Variants in SLC35F5 observed in about 807,000 individuals in gnomAD.
SLC35F5 encodes HCV NS5A-transactivated protein 3.
A neutral mutation model predicts 68.6 loss-of-function variants in SLC35F5; 54 were observed. The observed-to-expected ratio is 0.79, with a 90% confidence interval of 0.63 to 0.99. SLC35F5 has a LOEUF of 0.99. SLC35F5 is among the 50% of genes least tolerant of loss of function. The probability of loss-of-function intolerance (pLI) is 0.00; values close to 1 mark genes in which losing one functional copy is unlikely to be tolerated. For synonymous variants in SLC35F5, 211 were observed against 205.2 expected (o/e 1.03, Z -0.24); for missense variants, 567 against 626.9 (o/e 0.90, Z 1.02).
chr2:113,736,897 C>G (rs189851842), intron 7 of SLC35F5, among the ~76,000 whole-genome samples: 30 of 152,236 alleles, frequency 2.0e-4, no homozygotes, highest in Non-Finnish European at 1.5e-4. Context: ...GTCCAAAGTT[C>G]AGTAATTTTC....
chr2:113,725,696 A>G, intron 11 of SLC35F5, 159 bp from the exon 12 acceptor site: 1 of 569,332 alleles, frequency 1.8e-6, no homozygotes, highest in Non-Finnish European at 3.0e-6. Flanking sequence ...TCCTGTGAAT[A>G]GCTCAACGCC....
chr2:113,707,406 G>C lies in SLC35F5; in HGVS notation c.*7812C>G, dbSNP rs1008055901. ...GATAACTTCAGCTTTATTTGCCAAA[G>C]GGGATTTAGAATATACTACAAAATT... On this transcript the variant is annotated 3_prime_UTR_variant, in exon 16 of 16. Transcript: ENST00000245680. 2.0e-5 allele frequency among the ~76,000 whole-genome samples: 3 copies of C among 152,010 alleles called. No homozygotes were observed. Among genetic ancestry groups the C allele is most frequent in the African/African-American group, 7.3e-5 (3 of 41,372 alleles).
At chr2:113,736,434 C>A (rs1444402023) in intron 7 of SLC35F5, among the ~76,000 whole-genome samples, 2 of 148,868 alleles carry the variant, frequency 1.3e-5, no homozygotes, top group Admixed American at 1.3e-4. Context: ...GACAGAGAGA[C>A]CATTTCTCAA....
At chr2:113,703,857 C>CT (rs1167075257), downstream of SLC35F5, 5 of 152,236 alleles carry the variant, frequency 3.3e-5, no homozygotes, top group Admixed American at 2.0e-4. Flanking sequence ...AGGTGGGACT[C>CT]TAACATCCTA....
intron 8 of SLC35F5, 151 bp from the exon 9 acceptor site, chr2:113,734,824 T>C: frequency 1.7e-6 from 1 of 600,670 alleles, no homozygotes; most frequent in Middle Eastern, 4.6e-4. Flanking sequence ...TGCAGTTAAG[T>C]AATGACTAGA....
chr2:113,748,617 T>C (rs891045478), intron 4 of SLC35F5, among the ~76,000 whole-genome samples: 7 of 152,226 alleles, frequency 4.6e-5, no homozygotes, highest in African/African-American at 1.2e-4. Flanking sequence ...ACAATATACC[T>C]ATACTAATAC....
chr2:113,754,678 C>T (rs950373500), intron 3 of SLC35F5, among the ~76,000 whole-genome samples: 3 of 152,206 alleles, frequency 2.0e-5, no homozygotes, highest in Admixed American at 1.3e-4. Context: ...GTATACCATG[C>T]ATCTTATAAT....
rs71297192 is a variant in SLC35F5 at position 113,721,971 on chromosome 2, CTTTTT to C, written c.1341+1128_1341+1132del. Among the ~76,000 whole-genome samples the C allele has an allele frequency of 1.8e-3, 198 of 107,654 alleles. 1 individual carries two copies. The highest frequency in any genetic ancestry group is 6.8e-3 in the African/African-American group (191 of 28,274). 70.6% of individuals were successfully genotyped at this position (107,654 alleles called of 152,430 possible). ...AGCACTAAGCATATTTTGCTTTTAT[CTTTTT>C]TTTTTTTTTTTTTTTTGAGATGGAG... On this transcript the variant is annotated intron_variant, in intron 13 of 15. Coordinates refer to ENST00000245680, the MANE Select transcript of SLC35F5 (RefSeq NM_025181.5).
chr2:113,742,328 A>C (rs1173866395), intron 7 of SLC35F5: 1 of 265,228 alleles, frequency 3.8e-6, no homozygotes, highest in East Asian at 6.7e-5. Flanking sequence ...GTAAACTCTT[A>C]TCTGGATATT....
intron 11 of SLC35F5, among the ~76,000 whole-genome samples, chr2:113,727,951 A>C (rs1203674114): frequency 1.3e-5 from 2 of 152,216 alleles, no homozygotes; most frequent in Non-Finnish European, 2.9e-5. Flanking sequence ...TTCCATTCCA[A>C]ATAAAATTTT....
intron 14 of SLC35F5, among the ~76,000 whole-genome samples, chr2:113,718,865 A>AAAAAG (rs1427315171): frequency 1.5e-4 from 19 of 123,516 alleles, no homozygotes; most frequent in African/African-American, 5.8e-4. Flanking sequence ...GAGAGAAAGA[A>AAAAAG]AAAGAAAGAA....
At chr2:113,723,049 G>C in intron 13 of SLC35F5, 55 bp downstream of exon 13, 1 of 1,211,866 alleles carries the variant, frequency 8.3e-7, no homozygotes, top group Non-Finnish European at 1.1e-6. Flanking sequence ...ACTTTCATTA[G>C]GTTTGTTTTA....
intron 9 of SLC35F5, 148 bp from the exon 10 acceptor site, chr2:113,731,796 C>T (rs1687906396): frequency 1.6e-6 from 1 of 614,588 alleles, no homozygotes; most frequent in Non-Finnish European, 2.9e-6. Flanking sequence ...TAACATCTAA[C>T]AACATCAATA....
intron 7 of SLC35F5, among the ~76,000 whole-genome samples, chr2:113,739,266 A>G (rs1175070527): frequency 6.6e-6 from 1 of 152,174 alleles, no homozygotes; most frequent in Non-Finnish European, 1.5e-5. Context: ...TATACGTTAA[A>G]TCATCTCTAG....
chr2:113,741,156 T>C (rs1048430141), intron 7 of SLC35F5, among the ~76,000 whole-genome samples: 3 of 152,174 alleles, frequency 2.0e-5, no homozygotes, highest in Admixed American at 6.6e-5. Context: ...GAGGACATTA[T>C]GCTAAGTGAA....
intron 3 of SLC35F5, among the ~76,000 whole-genome samples, chr2:113,751,940 A>C (rs1676761148): frequency 1.3e-5 from 2 of 152,028 alleles, no homozygotes; most frequent in Non-Finnish European, 2.9e-5. Context: ...TGTCAGGCAC[A>C]GTGGCTCACG....
rs1676374741 is a variant in SLC35F5, at chr2:113,743,718, T to C, written c.557A>G (p.Glu186Gly). The C allele has an allele frequency of 1.2e-6, 2 of 1,610,146 alleles. No individual in the cohort carries two copies. The highest frequency in any genetic ancestry group is 1.7e-6 in the Non-Finnish European group (2 of 1,177,814). The change falls in exon 6 of 16, where the codon GAA becomes GGA. Residue 186 changes from glutamate (E) to glycine (G), a missense_variant. Transcript: ENST00000245680. ...CATTTCCAAGTTTTGCTTACTTTTT[T>C]CAGTATCAATGTTTGTGCTCTCAGG... ...EKPESTNIDT[E>G]KTPKKSRVRF...
At chr2:113,732,792 T>A (rs1219418916) in intron 9 of SLC35F5, among the ~76,000 whole-genome samples, 1 of 152,126 alleles carries the variant, frequency 6.6e-6, no homozygotes, top group Non-Finnish European at 1.5e-5. Context: ...CTCATAATAA[T>A]CCTATGAGAG....
intron 4 of SLC35F5, among the ~76,000 whole-genome samples, chr2:113,746,929 GAA>G (rs68171112): frequency 0.15 from 15,484 of 104,068 alleles, 866 homozygotes; most frequent in Non-Finnish European, 0.17. Context: ...CTCAAAAAAA[GAA>G]AAAAAAAAAA....
Sources: gnomAD v4.1 joint callset for allele counts (sites outside exome capture counted in the v4.1 genomes callset) on GRCh38, gnomAD v4.1.1 for gene constraint, MANE v1.5 for transcripts, NCBI Gene and HGNC (gene_info 2026-07-23, HGNC 2026-07-21) for gene names.